Variants in CD8A observed in about 807,000 individuals in gnomAD.
CD8A encodes the protein T-cell surface glycoprotein CD8 alpha chain.
A neutral mutation model predicts 24.2 loss-of-function variants in CD8A; 25 were observed. That is an observed-to-expected ratio of 1.03 (90% confidence interval 0.75 to 1.44). CD8A has a LOEUF of 1.44. Ranked by LOEUF, CD8A falls within the 40% of genes most tolerant of loss-of-function variation. The pLI is 0.00. For missense variants in CD8A, 360 were observed against 319.7 expected, an observed-to-expected ratio of 1.13 and a Z score of -0.96; for synonymous variants, 165 against 149.9, an observed-to-expected ratio of 1.10 and a Z score of -0.74.
intron 3 of CD8A, among the ~76,000 whole-genome samples, chr2:86,800,796 C>T (rs945912349): frequency 2.0e-5 from 3 of 152,146 alleles, no homozygotes; most frequent in Non-Finnish European, 4.4e-5. Flanking sequence ...TGTGTCCCCC[C>T]AAGTATATTT....
upstream of CD8A, among the ~76,000 whole-genome samples, chr2:86,795,813 C>A (rs1673464290): frequency 6.6e-6 from 1 of 151,960 alleles, no homozygotes; most frequent in Non-Finnish European, 1.5e-5. Flanking sequence ...TCAGAGGCTA[C>A]TTTAAAAAAC....
intron 5 of CD8A, among the ~76,000 whole-genome samples, chr2:86,786,936 C>T (rs1290750593): frequency 1.6e-5 from 2 of 125,806 alleles, no homozygotes; most frequent in African/African-American, 3.0e-5. Context: ...AGGAGAATGG[C>T]GTGAACCCGG....
rs1278611210 is a variant in CD8A at position 86,785,266 on chromosome 2, G to A, written c.*654C>T. 2.2e-6 allele frequency: 1 copy of A among 449,002 alleles called. No homozygotes were observed. The highest frequency in any genetic ancestry group is 1.6e-5 in the South Asian group (1 of 64,152). The allele number at this position is 449,002 out of a possible 1,614,324, so 27.8% of individuals were successfully genotyped here. On this transcript the variant is annotated 3_prime_UTR_variant, in exon 6 of 6. Transcript: ENST00000283635. ...TTTATTTTAGGTCTATACAATTTTA[G>A]GCTTGATTATAAAAAAAAAAAGTCT...
chr2:86,789,750 G>A lies in CD8A; in HGVS notation c.404C>T (p.Ala135Val). 1 of 1,354,086 alleles carries A rather than the reference G, an allele frequency of 7.4e-7. No homozygotes were observed. Among genetic ancestry groups the A allele is most frequent in the Non-Finnish European group, 9.4e-7 (1 of 1,060,340 alleles). The allele number at this position is 1,354,086 out of a possible 1,614,324, so 83.9% of individuals were successfully genotyped here. A position where few individuals can be genotyped will look rare whatever the true frequency, so the allele number is the denominator to read the frequency against. Residue 135 changes from alanine to valine, a missense_variant and splice_region_variant, in exon 3 of 6, where the codon GCG (alanine) becomes GTG (valine). Transcript: ENST00000283635. ...FSHFVPVFLPAKPTTTPAPRP... is the reference protein window; with the variant it reads ...FSHFVPVFLPVKPTTTPAPRP... ...CGGCGCTGGCGTCGTGGTGGGCTTC[G>A]CTGCAAGAGCAACAGAGCGTGGTTG...
rs538007944 is a variant in CD8A, at chr2:86,788,676, A to C, written c.626-116T>G. 27 of 922,134 alleles carry C rather than the reference A, an allele frequency of 2.9e-5. 1 individual carries two copies. In the East Asian group the frequency reaches 6.7e-4, roughly 23 times the overall value. 57.1% of individuals were successfully genotyped at this position (922,134 alleles called of 1,614,324 possible). ...TGCTGCTGTTTTTTGGTTTTACAAAAAATCATTTCAGAACGATCATGGGCT... is the reference window on the plus strand; with the variant it reads ...TGCTGCTGTTTTTTGGTTTTACAAACAATCATTTCAGAACGATCATGGGCT... On this transcript the variant is annotated intron_variant, in intron 4 of 5. Transcript: ENST00000283635.
At position 86,790,904 on chromosome 2, in the gene CD8A, G is replaced by A. The variant is rs908060166; in HGVS notation, c.-79C>T. 50 of 1,370,398 alleles carry A rather than the reference G, an allele frequency of 3.6e-5. No homozygotes were observed. The highest frequency in any genetic ancestry group is 4.6e-5 in the Non-Finnish European group (46 of 996,094). The allele number at this position is 1,370,398 out of a possible 1,614,324, so 84.9% of individuals were successfully genotyped here. A position where few individuals can be genotyped will look rare whatever the true frequency, so the allele number is the denominator to read the frequency against. ...CGCGGGAGCCGGTGGGGCGCCGAGG[G>A]GGGAAAGTTGCGCCCTTCGGCCGGC... is the stretch of plus-strand genomic sequence containing the variant. On this transcript the variant is annotated 5_prime_UTR_variant, in exon 1 of 6. Transcript: ENST00000283635.
intron 5 of CD8A, among the ~76,000 whole-genome samples, chr2:86,786,795 C>T (rs897427836): frequency 1.6e-4 from 24 of 151,964 alleles, no homozygotes; most frequent in African/African-American, 4.3e-4. Context: ...CCAAGGCGGG[C>T]GGATCACGAG....
chr2:86,790,080 T>C (rs933616437), intron 2 of CD8A, among the ~76,000 whole-genome samples: 2 of 152,130 alleles, frequency 1.3e-5, no homozygotes, highest in African/African-American at 4.8e-5. Context: ...CGCAGATAAT[T>C]TAAGTCATTT....
chr2:86,797,090 A>C (rs2104452470), intron 3 of CD8A, among the ~76,000 whole-genome samples: 1 of 152,282 alleles, frequency 6.6e-6, no homozygotes, highest in Middle Eastern at 3.4e-3. Context: ...ACCTAGATGG[A>C]TCCCCCGGTG....
chr2:86,801,279 C>T lies in CD8A; in HGVS notation c.-271+232G>A, dbSNP rs556860378. ...TAGATAACATTGTCTCCCTCCCTCC[C>T]TGCCTCCCTCCCTTCCTTCCTTCCT... is the stretch of plus-strand genomic sequence containing the variant. On this transcript the variant is annotated intron_variant, in intron 3 of 8. Coordinates refer to the CD8A transcript ENST00000409511. 2.9e-4 allele frequency among the ~76,000 whole-genome samples: 44 copies of T among 152,020 alleles called. No individual in the cohort carries two copies. The East Asian group carries it at 8.5e-3, about 29-fold the overall frequency.
chr2:86,806,407 G>A (rs1471297321), intron 2 of CD8A, among the ~76,000 whole-genome samples: 2 of 152,240 alleles, frequency 1.3e-5, no homozygotes, highest in African/African-American at 4.8e-5. Context: ...GGAAAGTCAA[G>A]AAGTGGGAGA....
chr2:86,789,847 C>T, intron 2 of CD8A, 97 bp from the exon 3 acceptor site: 2 of 689,090 alleles, frequency 2.9e-6, no homozygotes, highest in Non-Finnish European at 4.3e-6. Context: ...GACGCCTCCC[C>T]CCGGTTTTCC....
At chr2:86,799,711 A>G (rs12994456) in intron 3 of CD8A, among the ~76,000 whole-genome samples, 42,006 of 151,848 alleles carry the variant, frequency 0.28, 6,706 homozygotes, top group African/African-American at 0.43. Flanking sequence ...AGCCAAGATC[A>G]CACCACTGCA....
chr2:86,807,695 G>A lies in CD8A; in HGVS notation c.-666C>T, dbSNP rs377360561. On this transcript the variant is annotated 5_prime_UTR_variant, in exon 2 of 9. Coordinates refer to the CD8A transcript ENST00000409511. ...GTGCGGTCGCGGACAGGCGCACGAG[G>A]AGCCCAGCGGAGCGCCACCCGGAGC... The A allele has an allele frequency of 9.1e-5, 14 of 153,006 alleles. 2 individuals carry two copies. The South Asian group carries it at 2.1e-3, about 23-fold the overall frequency. 9.5% of individuals were successfully genotyped at this position (153,006 alleles called of 1,614,324 possible). A position where few individuals can be genotyped will look rare whatever the true frequency, so the allele number is the denominator to read the frequency against.
intron 5 of CD8A, among the ~76,000 whole-genome samples, chr2:86,786,806 G>A (rs1673024557): frequency 1.3e-5 from 2 of 152,028 alleles, no homozygotes; most frequent in East Asian, 2.0e-4. Flanking sequence ...GGATCACGAG[G>A]TCAGGAGATC....
At chr2:86,787,898 A>AGTGTGTGTGTGT (rs34388912) in intron 5 of CD8A, among the ~76,000 whole-genome samples, 1 of 144,490 alleles carries the variant, frequency 6.9e-6, no homozygotes, top group African/African-American at 2.6e-5. Context: ...AGAGAGAGAG[A>AGTGTGTGTGTGT]GTGTGTGTGT....
intron 2 of CD8A, among the ~76,000 whole-genome samples, chr2:86,805,682 C>T (rs1425875602): frequency 6.6e-6 from 1 of 152,152 alleles, no homozygotes; most frequent in African/African-American, 2.4e-5. Context: ...ACCAAGAACT[C>T]TCTGCCTTCC....
chr2:86,801,795 C>A (rs1412231644), intron 2 of CD8A: 2 of 152,146 alleles, frequency 1.3e-5, no homozygotes, highest in Admixed American at 1.3e-4. Flanking sequence ...TAATACTGAA[C>A]TCTGTCTCAT....
At chr2:86,790,723 C>T (rs779333377) in intron 1 of CD8A, 42 bp from the exon 2 acceptor site, 105 of 1,421,448 alleles carry the variant, frequency 7.4e-5, no homozygotes, top group Non-Finnish European at 9.5e-5. Context: ...CAGTCCCGCG[C>T]CCCCCGCCCC....
Sources: gnomAD v4.1 joint callset for allele counts (sites outside exome capture counted in the v4.1 genomes callset) on GRCh38, gnomAD v4.1.1 for gene constraint, MANE v1.5 for transcripts, NCBI Gene and HGNC (gene_info 2026-07-23, HGNC 2026-07-21) for gene names.